Variants in ASAH1 observed in about 807,000 individuals in gnomAD.
The protein encoded by ASAH1 is N-acylsphingosine amidohydrolase 1, also known as acid ceramidase.
A neutral mutation model predicts 59.5 loss-of-function variants in ASAH1; 70 were observed. The observed-to-expected ratio is 1.18, with a 90% CI of 0.97 to 1.43. The LOEUF (loss-of-function observed/expected upper bound fraction) is 1.43, where lower values mean the gene tolerates loss of function less well. ASAH1 is among the 40% of genes most tolerant of loss of function. The pLI, the probability that ASAH1 is intolerant of heterozygous loss-of-function variation, is 0.00. For synonymous variants in ASAH1, 213 were observed against 166.5 expected, an observed-to-expected ratio of 1.28 and a Z score of -2.15; for missense variants, 660 against 482.5, an observed-to-expected ratio of 1.37 and a Z score of -3.45.
At chr8:18,080,198 G>C (rs1800594259) in intron 1 of ASAH1, among the ~76,000 whole-genome samples, 2 of 152,220 alleles carry the variant, frequency 1.3e-5, no homozygotes, top group African/African-American at 4.8e-5. Flanking sequence ...TGATTCAATA[G>C]CTAATGTCAA....
chr8:18,059,573 C>T lies in ASAH1; in HGVS notation c.916G>A (p.Glu306Lys). Residue 306 changes from glutamate (E) to lysine (K), a missense_variant and splice_region_variant, in exon 11 of 14, where the codon GAA becomes AAA. Glu to Lys is a moderately conservative substitution (Grantham distance 56). Transcript: ENST00000637790. ...TTTTGCTTTAACAAACCTACTTACT[C>T]ATATACATCCAATGATTCCTTTCTG... Reference protein sequence around the residue: ...RDRKESLDVYELDAKQGRWYV... With the variant: ...RDRKESLDVYKLDAKQGRWYV... 1 of 1,614,200 alleles carries T rather than the reference C, an allele frequency of 6.2e-7. No homozygotes were observed. Among genetic ancestry groups the T allele is most frequent in the Non-Finnish European group, 8.5e-7 (1 of 1,180,028 alleles).
At chr8:18,084,656 C>T (rs762972682), upstream of ASAH1, 43 of 1,612,984 alleles carry the variant, frequency 2.7e-5, no homozygotes, top group Non-Finnish European at 3.5e-5. Context: ...CTCGGGTCCT[C>T]CAAGCTGTTG....
rs113747523 is a variant in ASAH1 at position 18,069,743 on chromosome 8, C to T, written c.303+49G>A. The T allele has an allele frequency of 6.0e-5, 80 of 1,327,588 alleles. 1 individual carries two copies. In the Middle Eastern group the frequency reaches 1.8e-3, roughly 31 times the overall value. The allele number at this position is 1,327,588 out of a possible 1,614,324, so 82.2% of individuals were successfully genotyped here. On this transcript the variant is annotated intron_variant, in intron 4 of 13. Transcript: ENST00000637790. ...AATTATGCCTTTAAATAAATAACAGCGCATTTTCTATGTGCTTAACATTTA... is the reference window on the plus strand; with the variant it reads ...AATTATGCCTTTAAATAAATAACAGTGCATTTTCTATGTGCTTAACATTTA...
intron 9 of ASAH1, 108 bp downstream of exon 9, chr8:18,061,578 C>G (rs1288405984): frequency 2.1e-5 from 31 of 1,460,308 alleles, no homozygotes. Flanking sequence ...GACTTTGTAA[C>G]CAGTCGGGAA....
At chr8:18,076,549 T>G (rs1321085904) in intron 1 of ASAH1, 1 of 150,014 alleles carries the variant, frequency 6.7e-6, no homozygotes, top group East Asian at 1.9e-4. Flanking sequence ...ACATATCAAG[T>G]GTCTTTATCT....
Position 18,084,086 on chromosome 8 carries a change from G to T in ASAH1, c.-28C>A. ...CTCTAGCAGCCAACGCCACTCCCCG[G>T]ACTCCAGCAGAGGCAAAGAAGAGCC... On this transcript the variant is annotated 5_prime_UTR_variant, in exon 1 of 14. Coordinates refer to ENST00000637790, the MANE Select transcript of ASAH1 (RefSeq NM_177924.5). The T allele has an allele frequency of 6.3e-7, 1 of 1,597,710 alleles. No homozygotes were observed. Among genetic ancestry groups the T allele is most frequent in the Non-Finnish European group, 8.5e-7 (1 of 1,179,472 alleles).
At chr8:18,067,100 T>TGCACCTGTGCTGTATATCAAAGACATACA in intron 5 of ASAH1, 120 bp downstream of exon 5, 3 of 548,496 alleles carry the variant, frequency 5.5e-6, no homozygotes, top group Non-Finnish European at 6.0e-6. Flanking sequence ...CTAAGACCTG[T>TGCACCTGTGCTGTATATCAAAGACATACA]GCACCTGTGC....
upstream of ASAH1, chr8:18,084,122 G>A (rs1193316934): frequency 3.8e-6 from 6 of 1,585,526 alleles, no homozygotes; most frequent in Non-Finnish European, 5.1e-6. Flanking sequence ...GGCTGGGCCG[G>A]GGGCAGGCCA....
chr8:18,067,324 G>A (rs1471857994), intron 4 of ASAH1, 26 bp from the exon 5 acceptor site: 10 of 1,424,610 alleles, frequency 7.0e-6, no homozygotes, highest in Non-Finnish European at 9.5e-6. Context: ...ATTAATAAAA[G>A]CATTTAACAT....
chr8:18,062,550 C>A, intron 7 of ASAH1, 127 bp from the exon 8 acceptor site: 1 of 1,051,896 alleles, frequency 9.5e-7, no homozygotes, highest in Admixed American at 1.9e-5. Context: ...CCTAACAAGA[C>A]CTTTACAATA....
At chr8:18,057,954 C>CT (rs949588026) in intron 13 of ASAH1, 9 of 165,914 alleles carry the variant, frequency 5.4e-5, no homozygotes, top group African/African-American at 2.2e-4. Flanking sequence ...ACCCCCAATG[C>CT]TTTAAGACTG....
At position 18,061,719 on chromosome 8, in the gene ASAH1, T is replaced by G; in HGVS notation, c.670A>C (p.Asn224His). Reference protein sequence around the residue: ...FKPGLFSLTLNERFSINGGYL... With the variant: ...FKPGLFSLTLHERFSINGGYL... ...CCACCATTTATACTGAAACGTTCAT[T>G]CAGTGTAAGACTGAACAGTCCCTGA... Residue 224 changes from asparagine (N) to histidine (H), a missense_variant, in exon 9 of 14, where the codon AAT becomes CAT. Physicochemically the swap from Asn to His is moderately conservative, Grantham distance 68. Coordinates refer to ENST00000637790, the MANE Select transcript of ASAH1 (RefSeq NM_177924.5). 1 of 1,582,014 alleles carries G rather than the reference T, an allele frequency of 6.3e-7. No homozygotes were observed.
At position 18,080,880 on chromosome 8, in the gene ASAH1, T is replaced by C. The variant is rs140186452; in HGVS notation, c.78+3101A>G. ...GCCTGTCCTGTTTTAACTTTGGCAATTTCTCCTCTTCTTGACACATACATG... is the reference window on the plus strand; with the variant it reads ...GCCTGTCCTGTTTTAACTTTGGCAACTTCTCCTCTTCTTGACACATACATG... On this transcript the variant is annotated intron_variant, in intron 1 of 13. Transcript: ENST00000637790. 9.1e-4 allele frequency among the ~76,000 whole-genome samples: 138 copies of C among 152,226 alleles called. 1 individual carries two copies. In the East Asian group the frequency reaches 0.024, roughly 27 times the overall value.
rs2472205 is a variant in ASAH1, at chr8:18,067,230, A to T, written c.372T>A (p.Asp124Glu). The change falls in exon 5 of 14, where the codon GAT (aspartate) becomes GAA (glutamate). Residue 124 changes from aspartate to glutamate, a missense_variant. Transcript: ENST00000637790. ...EEMKGIAAVT[D>E]IPLGEIISFN... Reference sequence around the variant, plus strand: ...CTAAGTGAACTTTACCTAAAGGTATATCAGTAACAGCGGCAATACCCTTCA... The same window carrying T: ...CTAAGTGAACTTTACCTAAAGGTATTTCAGTAACAGCGGCAATACCCTTCA... 65,288 of 1,605,582 alleles carry T rather than the reference A, an allele frequency of 0.041. 1,602 individuals carry two copies. The highest frequency in any genetic ancestry group is 0.064 in the South Asian group (5,784 of 90,060).
chr8:18,065,507 T>C (rs960146083), intron 5 of ASAH1: 27 of 152,174 alleles, frequency 1.8e-4, no homozygotes, highest in African/African-American at 5.5e-4. Flanking sequence ...ACTGCTTTGC[T>C]AGCTTAAAGA....
intron 5 of ASAH1, chr8:18,065,358 A>G (rs1799885874): frequency 6.6e-6 from 1 of 152,164 alleles, no homozygotes; most frequent in African/African-American, 2.4e-5. Context: ...TATTTCCAGT[A>G]TGCTATCTTT....
At chr8:18,084,811 G>A (rs755854939), upstream of ASAH1, 10 of 1,612,892 alleles carry the variant, frequency 6.2e-6, no homozygotes, top group Non-Finnish European at 8.5e-6. Context: ...TTAAGCGGCT[G>A]TGTTTCCTCC....
intron 1 of ASAH1, chr8:18,075,875 G>C: frequency 2.2e-6 from 1 of 450,958 alleles, no homozygotes; most frequent in Non-Finnish European, 4.1e-6. Flanking sequence ...AAAGTAGATG[G>C]AAAATATTTA....
chr8:18,084,225 C>T, upstream of ASAH1: 1 of 1,484,454 alleles, frequency 6.7e-7, no homozygotes, highest in Non-Finnish European at 8.9e-7. Context: ...GAGGAGAGGA[C>T]GGGGCTTTTC....
Sources: allele counts gnomAD v4.1 joint callset (sites outside exome capture counted in the v4.1 genomes callset), GRCh38; gene constraint gnomAD v4.1.1; transcripts MANE v1.5; gene names NCBI Gene and HGNC (gene_info 2026-07-23, HGNC 2026-07-21).